Variants in RUNX3 observed in about 807,000 individuals in gnomAD.
RUNX3 encodes the protein runt-related transcription factor 3.
A neutral mutation model predicts 27.7 loss-of-function variants in RUNX3; 10 were observed. The observed-to-expected ratio is 0.36, with a 90% CI of 0.22 to 0.61. The LOEUF (loss-of-function observed/expected upper bound fraction) is 0.61. Ranked by LOEUF, RUNX3 falls within the 20% of genes least tolerant of loss-of-function variation. The probability of loss-of-function intolerance (pLI) is 0.72; values close to 1 mark genes in which losing one functional copy is unlikely to be tolerated. For synonymous variants in RUNX3, 270 were observed against 269.2 expected, an observed-to-expected ratio of 1.00 and a Z score of -0.03; for missense variants, 469 against 629.5, an observed-to-expected ratio of 0.75 and a Z score of 2.73.
chr1:24,902,077 G>A lies in RUNX3; in HGVS notation c.*45C>T, dbSNP rs1271924403. 1.4e-6 allele frequency: 2 copies of A among 1,459,742 alleles called. No homozygotes were observed. Among genetic ancestry groups the A allele is most frequent in the Non-Finnish European group, 1.8e-6 (2 of 1,101,658 alleles). The allele number at this position is 1,459,742 out of a possible 1,614,324, so 90.4% of individuals were successfully genotyped here. A position where few individuals can be genotyped will look rare whatever the true frequency, so the allele number is the denominator to read the frequency against. ...AGCCGGCCCATCACTGGTCTTGAAG[G>A]TTGTTAGGGTCCCCGCCTCCAGCGG... is the stretch of plus-strand genomic sequence containing the variant. On this transcript the variant is annotated 3_prime_UTR_variant, in exon 5 of 5. Transcript: ENST00000308873. This position sits in a 1 kb window ranked among gnomAD's most constrained non-coding sequence, Gnocchi z 9.2.
At chr1:24,920,596 A>G (rs1640980079) in intron 2 of RUNX3, among the ~76,000 whole-genome samples, 1 of 152,168 alleles carries the variant, frequency 6.6e-6, no homozygotes, top group African/African-American at 2.4e-5. Flanking sequence ...TTTCCTGTGA[A>G]GGTTTTAGTG....
At chr1:24,915,255 C>G (rs1334100306) in intron 3 of RUNX3, among the ~76,000 whole-genome samples, 3 of 152,136 alleles carry the variant, frequency 2.0e-5, no homozygotes, top group African/African-American at 7.2e-5. Flanking sequence ...GAAACCCTGT[C>G]TCTATTAAAA....
At position 24,919,312 on chromosome 1, in the gene RUNX3, T is replaced by C; in HGVS notation, c.472A>G (p.Thr158Ala). The C allele has an allele frequency of 6.2e-7, 1 of 1,609,470 alleles. No individual in the cohort carries two copies. Among genetic ancestry groups the C allele is most frequent in the Non-Finnish European group, 8.5e-7 (1 of 1,178,016 alleles). Residue 158 changes from threonine to alanine, a missense_variant, in exon 3 of 5, where the codon ACC (threonine) becomes GCC (alanine). Transcript: ENST00000308873. Reference sequence around the variant, plus strand: ...TAGGTCGCCACTTGGGTGGGGTTGGTGAACACAGTGATGGTCAGGGTGAAA... The same window carrying C: ...TAGGTCGCCACTTGGGTGGGGTTGGCGAACACAGTGATGGTCAGGGTGAAA... The part of the protein sequence containing the change: ...KSFTLTITVF[T>A]NPTQVATYHR...
Position 24,902,123 on chromosome 1 carries a change from C to A in RUNX3, c.1247G>T (p.Ter416LeuextTer20). Residue 416 changes from the stop codon to leucine, a stop_lost, in exon 5 of 5, where the codon TGA becomes TTA. Coordinates refer to ENST00000308873, the MANE Select transcript of RUNX3 (RefSeq NM_004350.3). This position sits in a 1 kb window ranked among gnomAD's most constrained non-coding sequence, Gnocchi z 9.2. ...AGCGGGAGGAGTCCACCAGGGCGGT[C>A]AGTAGGGCCGCCACACGGCCTCATC... Reference protein sequence around the residue: ...RMDEAVWRPY* With the variant: ...RMDEAVWRPYL 1 of 1,538,704 alleles carries A rather than the reference C, an allele frequency of 6.5e-7. No individual in the cohort carries two copies. The highest frequency in any genetic ancestry group is 1.2e-5 in the South Asian group (1 of 82,408).
chr1:24,934,739 G>C (rs190039825), upstream of RUNX3, among the ~76,000 whole-genome samples: 4 of 152,318 alleles, frequency 2.6e-5, no homozygotes, highest in East Asian at 7.7e-4. Flanking sequence ...TGTGGGGCAT[G>C]AACGCATCAC....
chr1:24,925,689 C>T (rs1641085545), intron 2 of RUNX3, among the ~76,000 whole-genome samples: 1 of 152,180 alleles, frequency 6.6e-6, no homozygotes, highest in Non-Finnish European at 1.5e-5. Flanking sequence ...GCCACAGTTC[C>T]TCAGACATCG....
upstream of RUNX3, among the ~76,000 whole-genome samples, chr1:24,933,661 C>A (rs184100944): frequency 4.5e-4 from 69 of 152,286 alleles, no homozygotes; most frequent in East Asian, 0.013. Context: ...ACAGGGCGGC[C>A]AGAGCTGGGT....
intron 2 of RUNX3, among the ~76,000 whole-genome samples, chr1:24,942,937 C>T (rs1434052896): frequency 6.6e-6 from 1 of 152,246 alleles, no homozygotes; most frequent in Non-Finnish European, 1.5e-5. Flanking sequence ...GGAGCCAGCC[C>T]GTGGGCACCG....
chr1:24,962,809 G>A lies in RUNX3; in HGVS notation c.58+1705C>T, dbSNP rs1642152665. On this transcript the variant is annotated intron_variant, in intron 2 of 6. Coordinates refer to the RUNX3 transcript ENST00000338888. This position sits in a 1 kb window ranked among gnomAD's most constrained non-coding sequence, Gnocchi z 4.5. ...TGTGCTACTGCCAGCCACCTCCCAG[G>A]CTCCGAGGATCAGGACCCAGCCCAG... 6.6e-6 allele frequency among the ~76,000 whole-genome samples: 1 copy of A among 152,170 alleles called. No homozygotes were observed. The highest frequency in any genetic ancestry group is 1.5e-5 in the Non-Finnish European group (1 of 68,022).
upstream of RUNX3, among the ~76,000 whole-genome samples, chr1:24,932,772 A>C (rs1248586086): frequency 6.6e-6 from 1 of 152,124 alleles, no homozygotes; most frequent in East Asian, 1.9e-4. Context: ...TGGGGCATGC[A>C]GACACCCTCG....
chr1:24,908,646 G>A (rs77271293), intron 3 of RUNX3, among the ~76,000 whole-genome samples: 3,651 of 152,158 alleles, frequency 0.024, 115 homozygotes, highest in African/African-American at 0.072. Context: ...TCTGGGCAAC[G>A]GAACAAGGAC....
At chr1:24,948,358 T>A (rs964353654) in intron 2 of RUNX3, among the ~76,000 whole-genome samples, 1 of 152,094 alleles carries the variant, frequency 6.6e-6, no homozygotes, top group South Asian at 2.1e-4. Context: ...GAGGGTGGTG[T>A]GTGTTCACAT....
chr1:24,953,724 T>C (rs1641838866), intron 2 of RUNX3, among the ~76,000 whole-genome samples: 1 of 152,180 alleles, frequency 6.6e-6, no homozygotes, highest in Admixed American at 6.5e-5. Context: ...TCTGAAATGC[T>C]CCAAAATCCA....
chr1:24,938,986 T>C (rs1641412275), intron 2 of RUNX3, among the ~76,000 whole-genome samples: 1 of 152,216 alleles, frequency 6.6e-6, no homozygotes, highest in African/African-American at 2.4e-5. Flanking sequence ...ACACTCTCTT[T>C]AGACAAAAGT....
In RUNX3 at chr1:24,908,075, A is replaced by G. The variant is rs112269400; in HGVS notation, c.545-658T>C. 3.7e-3 allele frequency among the ~76,000 whole-genome samples: 568 copies of G among 151,470 alleles called. 16 individuals are homozygous for G. The highest frequency in any genetic ancestry group is 0.013 in the African/African-American group (533 of 40,976). On this transcript the variant is annotated intron_variant, in intron 3 of 4. Coordinates refer to ENST00000308873, the MANE Select transcript of RUNX3 (RefSeq NM_004350.3). ...AACCTCTACGACACACGGTGATCCG[A>G]ACCTCTACGACACGCGGTGATCCGA...
chr1:24,937,843 T>C (rs2124329176), intron 2 of RUNX3, among the ~76,000 whole-genome samples: 1 of 152,336 alleles, frequency 6.6e-6, no homozygotes, highest in East Asian at 1.9e-4. Flanking sequence ...TTGTGCCACT[T>C]GTAAATTTAT....
intron 2 of RUNX3, among the ~76,000 whole-genome samples, chr1:24,945,291 C>T (rs1641578671): frequency 6.6e-6 from 1 of 152,224 alleles, no homozygotes. Flanking sequence ...GAATTCATCC[C>T]CAACACATAA....
At chr1:24,933,578 T>A (rs545975467), upstream of RUNX3, among the ~76,000 whole-genome samples, 1 of 152,240 alleles carries the variant, frequency 6.6e-6, no homozygotes, top group African/African-American at 2.4e-5. Flanking sequence ...ACAGGCTGCC[T>A]GGGGGAGGTA....
intron 2 of RUNX3, among the ~76,000 whole-genome samples, chr1:24,950,330 C>T (rs1641725782): frequency 6.6e-6 from 1 of 152,172 alleles, no homozygotes; most frequent in Non-Finnish European, 1.5e-5. Flanking sequence ...AGATTCCAAC[C>T]CCTTTCTCCT....
Sources: allele counts gnomAD v4.1 joint callset (sites outside exome capture counted in the v4.1 genomes callset), GRCh38; gene constraint gnomAD v4.1.1; non-coding constraint Gnocchi (gnomAD v3.1); transcripts MANE v1.5; gene names NCBI Gene and HGNC (gene_info 2026-07-23, HGNC 2026-07-21).